Variants in ASAH2B observed in about 807,000 individuals in gnomAD.
The protein encoded by ASAH2B is putative inactive neutral ceramidase B.
ASAH2B carries 1 observed loss-of-function variant against 2.9 expected under a neutral mutation model. The observed-to-expected ratio is 0.34, with a 90% CI of 0.12 to 1.63. The LOEUF is 1.63. Ranked by LOEUF, ASAH2B falls within the 40% of genes most tolerant of loss-of-function variation. The pLI is 0.36. For missense variants in ASAH2B, 9 were observed against 37.7 expected, an observed-to-expected ratio of 0.24 and a Z score of 1.99; for synonymous variants, 4 against 13.3, an observed-to-expected ratio of 0.30 and a Z score of 1.52.
chr10:50,748,965 A>T (rs1194990832), intron 3 of ASAH2B, among the ~76,000 whole-genome samples: 1 of 151,982 alleles, frequency 6.6e-6, no homozygotes, highest in East Asian at 1.9e-4. Flanking sequence ...CTATAAATGT[A>T]AGCATAAATA....
intron 3 of ASAH2B, among the ~76,000 whole-genome samples, chr10:50,747,629 G>A (rs909616169): frequency 5.3e-5 from 8 of 151,190 alleles, no homozygotes; most frequent in African/African-American, 1.7e-4. Flanking sequence ...TCAGAAATCA[G>A]TGTTGGGGTT....
At chr10:50,743,116 G>T (rs181791833) in intron 2 of ASAH2B, 106 bp downstream of exon 2, 93 of 1,181,306 alleles carry the variant, frequency 7.9e-5, no homozygotes, top group Non-Finnish European at 1.1e-4. Flanking sequence ...CCTTAGCTTC[G>T]AGTGTTCAGT....
intron 2 of ASAH2B, among the ~76,000 whole-genome samples, chr10:50,744,515 C>T (rs1269347986): frequency 6.6e-6 from 1 of 151,368 alleles, no homozygotes. Flanking sequence ...TGGCAAAATG[C>T]CAATTACTTT....
At chr10:50,754,129 A>C (rs1182731324) in intron 5 of ASAH2B, among the ~76,000 whole-genome samples, 1 of 148,896 alleles carries the variant, frequency 6.7e-6, no homozygotes, top group Non-Finnish European at 1.5e-5. Context: ...TTCATTTTCT[A>C]TATATATATA....
In ASAH2B at chr10:50,757,769, C is replaced by T. The variant is rs1211716368; in HGVS notation, c.*3029C>T. 6.6e-6 allele frequency: 1 copy of T among 151,008 alleles called. No homozygotes were observed. Among genetic ancestry groups the T allele is most frequent in the Admixed American group, 6.6e-5 (1 of 15,068 alleles). The allele number at this position is 151,008 out of a possible 1,614,324, so 9.4% of individuals were successfully genotyped here. A position where few individuals can be genotyped will look rare whatever the true frequency, so the allele number is the denominator to read the frequency against. On this transcript the variant is annotated 3_prime_UTR_variant, in exon 6 of 6. Transcript: ENST00000647317. ...ATCGGAGAGGGAAATTTGCACATTC[C>T]TTATGCAATTTGTTAGTATGCATTC...
chr10:50,755,602 T>C lies in ASAH2B; in HGVS notation c.*862T>C, dbSNP rs1218945294. On this transcript the variant is annotated 3_prime_UTR_variant, in exon 6 of 6. Coordinates refer to ENST00000647317, the MANE Select transcript of ASAH2B (RefSeq NM_001321958.2). ...GAAAGTTTTGCCATTAGCGTAGATA[T>C]TAAAAATATTACTGGCTGGGAAAGC... The C allele has an allele frequency of 1.3e-5, 2 of 151,808 alleles. No individual in the cohort carries two copies. The highest frequency in any genetic ancestry group is 2.9e-5 in the Non-Finnish European group (2 of 67,820). The allele number at this position is 151,808 out of a possible 1,614,324, so 9.4% of individuals were successfully genotyped here. A position where few individuals can be genotyped will look rare whatever the true frequency, so the allele number is the denominator to read the frequency against.
chr10:50,758,701 T>A lies in ASAH2B; in HGVS notation c.*3961T>A, dbSNP rs1304973795. On this transcript the variant is annotated 3_prime_UTR_variant, in exon 6 of 6. Coordinates refer to ENST00000647317, the MANE Select transcript of ASAH2B (RefSeq NM_001321958.2). ...TGTATACGTTCCTTTAACAGATTTA[T>A]ATCAAGCACCTATATACTTTATGGC... 3 of 152,268 alleles carry A rather than the reference T, an allele frequency of 2.0e-5. No individual in the cohort carries two copies. The highest frequency in any genetic ancestry group is 4.4e-5 in the Non-Finnish European group (3 of 67,978). 9.4% of individuals were successfully genotyped at this position (152,268 alleles called of 1,614,324 possible).
intron 2 of ASAH2B, among the ~76,000 whole-genome samples, 154 bp downstream of exon 2, chr10:50,743,164 T>C (rs1266521032): frequency 6.6e-6 from 1 of 152,174 alleles, no homozygotes; most frequent in African/African-American, 2.4e-5. Flanking sequence ...TATAGTTTTG[T>C]GGTATCTCTA....
Position 50,742,911 on chromosome 10 carries a change from G to A in ASAH2B, c.-99-4G>A. On this transcript the variant is annotated splice_polypyrimidine_tract_variant and splice_region_variant and intron_variant, in intron 1 of 5. Coordinates refer to ENST00000647317, the MANE Select transcript of ASAH2B (RefSeq NM_001321958.2). ...ATATACAACTCTCCCTGCCTTTCCT[G>A]CAGGCTCAGCGATATGAGGCAGCAT... The A allele has an allele frequency of 1.9e-6, 3 of 1,613,864 alleles. No individual in the cohort carries two copies. Among genetic ancestry groups the A allele is most frequent in the Non-Finnish European group, 2.5e-6 (3 of 1,179,832 alleles).
intron 5 of ASAH2B, among the ~76,000 whole-genome samples, chr10:50,754,081 T>C (rs1312400909): frequency 1.4e-5 from 2 of 147,674 alleles, no homozygotes; most frequent in Admixed American, 1.3e-4. Context: ...TGCTCCTTAC[T>C]GTACCCTCAG....
At position 50,757,951 on chromosome 10, in the gene ASAH2B, C is replaced by G. The variant is rs1346788829; in HGVS notation, c.*3211C>G. ...TATTGACTTAATTCTTAGGCTTATC[C>G]TCTTAGCTAAAAGATCGCTACCTCA... On this transcript the variant is annotated 3_prime_UTR_variant, in exon 6 of 6. Transcript: ENST00000647317. 2.6e-5 allele frequency: 4 copies of G among 151,302 alleles called. No individual in the cohort carries two copies. The highest frequency in any genetic ancestry group is 7.3e-5 in the African/African-American group (3 of 41,186). The allele number at this position is 151,302 out of a possible 1,614,324, so 9.4% of individuals were successfully genotyped here.
chr10:50,747,497 G>A (rs868815568), intron 3 of ASAH2B, among the ~76,000 whole-genome samples: 13 of 151,626 alleles, frequency 8.6e-5, no homozygotes, highest in African/African-American at 2.9e-4. Flanking sequence ...GGACACTCTT[G>A]TCTTGTTTCC....
At chr10:50,748,579 C>G (rs1207322773) in intron 3 of ASAH2B, among the ~76,000 whole-genome samples, 393 of 148,414 alleles carry the variant, frequency 2.6e-3, no homozygotes, top group African/African-American at 9.7e-3. Context: ...CAGTAGTTCC[C>G]TTATATGCAT....
intron 3 of ASAH2B, among the ~76,000 whole-genome samples, chr10:50,748,913 A>G (rs1218049918): frequency 6.6e-6 from 1 of 151,758 alleles, no homozygotes; most frequent in African/African-American, 2.4e-5. Flanking sequence ...GAGGATAAAT[A>G]CACATCCTGC....
At chr10:50,741,147 A>G (rs1201426894) in intron 1 of ASAH2B, among the ~76,000 whole-genome samples, 1 of 152,212 alleles carries the variant, frequency 6.6e-6, no homozygotes, top group African/African-American at 2.4e-5. Flanking sequence ...TCATTTTTTC[A>G]GTTTCTTTAA....
chr10:50,740,665 C>T (rs1399283546), intron 1 of ASAH2B, among the ~76,000 whole-genome samples: 1 of 152,172 alleles, frequency 6.6e-6, no homozygotes, highest in East Asian at 1.9e-4. Context: ...ATTTATTAAA[C>T]GGAATTAATA....
intron 2 of ASAH2B, 46 bp downstream of exon 2, chr10:50,743,056 G>T: frequency 6.3e-7 from 1 of 1,576,728 alleles, no homozygotes; most frequent in Non-Finnish European, 8.7e-7. Flanking sequence ...GTGTGTGTGT[G>T]TGTATGTCTG....
chr10:50,756,264 C>A lies in ASAH2B; in HGVS notation c.*1524C>A, dbSNP rs1389378134. The A allele has an allele frequency of 3.3e-5, 5 of 151,280 alleles. No individual in the cohort carries two copies. Among genetic ancestry groups the A allele is most frequent in the Non-Finnish European group, 7.4e-5 (5 of 67,586 alleles). The allele number at this position is 151,280 out of a possible 1,614,324, so 9.4% of individuals were successfully genotyped here. On this transcript the variant is annotated 3_prime_UTR_variant, in exon 6 of 6. Transcript: ENST00000647317. ...TAACATCTATTATGTATAACTTAAT[C>A]TCAACATAATTTATTGAATTAGAAT...
chr10:50,756,421 T>C lies in ASAH2B; in HGVS notation c.*1681T>C, dbSNP rs1253664068. 4.6e-5 allele frequency: 7 copies of C among 152,032 alleles called. No homozygotes were observed. The highest frequency in any genetic ancestry group is 1.7e-4 in the African/African-American group (7 of 41,552). The allele number at this position is 152,032 out of a possible 1,614,324, so 9.4% of individuals were successfully genotyped here. On this transcript the variant is annotated 3_prime_UTR_variant, in exon 6 of 6. Coordinates refer to ENST00000647317, the MANE Select transcript of ASAH2B (RefSeq NM_001321958.2). ...TCTGATGACGCCACAGTCTTCAGTG[T>C]AAAAGTTCAGAAGCCTAAAAGAACA...
Sources: allele counts gnomAD v4.1 joint callset (sites outside exome capture counted in the v4.1 genomes callset), GRCh38; gene constraint gnomAD v4.1.1; transcripts MANE v1.5; gene names NCBI Gene and HGNC (gene_info 2026-07-23, HGNC 2026-07-21).